SGIP1: variants seen among roughly 807,000 people sequenced by gnomAD.
SGIP1 encodes SH3-containing GRB2-like protein 3-interacting protein 1.
A neutral mutation model predicts 107.5 loss-of-function variants in SGIP1; 38 were observed. The ratio of observed to expected loss-of-function variants is 0.35; its 90% confidence interval spans 0.27 to 0.46. SGIP1 has a LOEUF of 0.46. Among genes scored for constraint, SGIP1 ranks in the 20% least tolerant of loss-of-function variants. SGIP1 has a pLI of 1.00. For missense variants in SGIP1, 929 were observed against 1,019.5 expected (o/e 0.91, Z 1.21); for synonymous variants, 365 against 366.1 (o/e 1.00, Z 0.03).
chr1:66,590,270 A>C (rs1231334973), intron 1 of SGIP1, among the ~76,000 whole-genome samples: 3 of 152,156 alleles, frequency 2.0e-5, no homozygotes, highest in Non-Finnish European at 4.4e-5. Flanking sequence ...GGAGATAAAA[A>C]CACATGTTAT....
At chr1:66,576,145 A>G (rs954663901) in intron 1 of SGIP1, among the ~76,000 whole-genome samples, 1 of 152,188 alleles carries the variant, frequency 6.6e-6, no homozygotes, top group African/African-American at 2.4e-5. Flanking sequence ...CTAAAGATAA[A>G]TATTGTTTTA....
intron 12 of SGIP1, among the ~76,000 whole-genome samples, chr1:66,673,934 G>A (rs999663428): frequency 2.6e-5 from 4 of 152,124 alleles, no homozygotes; most frequent in African/African-American, 4.8e-5. Context: ...TTGGGATGCT[G>A]AGATAGGATT....
At chr1:66,656,058 A>C (rs1267713833) in intron 7 of SGIP1, among the ~76,000 whole-genome samples, 2 of 152,050 alleles carry the variant, frequency 1.3e-5, no homozygotes, top group Non-Finnish European at 2.9e-5. Flanking sequence ...ATACTTTATA[A>C]TAGTTAAATT....
At chr1:66,726,944 C>G (rs938934445) in intron 19 of SGIP1, among the ~76,000 whole-genome samples, 4 of 152,084 alleles carry the variant, frequency 2.6e-5, no homozygotes, top group African/African-American at 4.8e-5. Context: ...GCACTCCAGT[C>G]TGGGTGACAG....
At chr1:66,620,409 G>C (rs992119746) in intron 1 of SGIP1, among the ~76,000 whole-genome samples, 26 of 152,098 alleles carry the variant, frequency 1.7e-4, no homozygotes, top group African/African-American at 6.3e-4. Context: ...CCCAAGACTG[G>C]GTAATTTATA....
At chr1:66,711,331 A>T (rs1302997969) in intron 18 of SGIP1, among the ~76,000 whole-genome samples, 1 of 152,160 alleles carries the variant, frequency 6.6e-6, no homozygotes, top group East Asian at 1.9e-4. Flanking sequence ...ATTATACAAC[A>T]TGATGAAGCT....
chr1:66,645,605 T>C (rs796736322), intron 7 of SGIP1, among the ~76,000 whole-genome samples: 7 of 152,274 alleles, frequency 4.6e-5, no homozygotes, highest in South Asian at 2.1e-4. Context: ...CTCCAGTTTG[T>C]TCCCTGTAAT....
chr1:66,749,589 T>A lies in SGIP1; in HGVS notation c.*6494T>A, dbSNP rs1002524310. Among the ~76,000 whole-genome samples the A allele has an allele frequency of 6.6e-6, 1 of 152,106 alleles. No homozygotes were observed. Among genetic ancestry groups the A allele is most frequent in the Non-Finnish European group, 1.5e-5 (1 of 67,934 alleles). ...AGAAAAGAATCAAACTGAATCACTT[T>A]ACATTTCTCTAAAGATAGTTCAGTT... On this transcript the variant is annotated 3_prime_UTR_variant, in exon 25 of 25. Transcript: ENST00000371037.
At position 66,630,844 on chromosome 1, in the gene SGIP1, A is replaced by AG. The variant is rs1491199355; in HGVS notation, c.75-2226_75-2225insG. The stretch of plus-strand genomic sequence containing the variant: ...GAAAGAAAGAAAGAAAGAAAGAAAG[A>AG]AAGAAAGAAAGAAAGAAAGAAAGAA... On this transcript the variant is annotated intron_variant, in intron 2 of 24. Coordinates refer to ENST00000371037, the MANE Select transcript of SGIP1 (RefSeq NM_032291.4). 9.8e-3 allele frequency among the ~76,000 whole-genome samples: 206 copies of AG among 21,096 alleles called. 20 individuals are homozygous for AG. The highest frequency in any genetic ancestry group is 0.067 in the East Asian group (16 of 238). The allele number at this position is 21,096 out of a possible 152,430, so 13.8% of individuals were successfully genotyped here. A position where few individuals can be genotyped will look rare whatever the true frequency, so the allele number is the denominator to read the frequency against.
intron 1 of SGIP1, among the ~76,000 whole-genome samples, chr1:66,599,573 G>A (rs1260863989): frequency 7.9e-5 from 12 of 152,172 alleles, no homozygotes; most frequent in Admixed American, 5.9e-4. Flanking sequence ...TCTCTTCTGA[G>A]TCTGAATGTA....
At chr1:66,539,962 A>G (rs2054521205) in intron 1 of SGIP1, among the ~76,000 whole-genome samples, 1 of 152,158 alleles carries the variant, frequency 6.6e-6, no homozygotes, top group African/African-American at 2.4e-5. Flanking sequence ...TACCATTTTC[A>G]TCTCTGTATC....
chr1:66,657,091 A>G (rs6681164), intron 7 of SGIP1, among the ~76,000 whole-genome samples: 39,914 of 151,958 alleles, frequency 0.26, 5,316 homozygotes, highest in Admixed American at 0.28. Flanking sequence ...TGGGAGGATC[A>G]CTTGAGCCCA....
intron 7 of SGIP1, chr1:66,660,162 A>AGGAGGGAAGGAAGGAAG (rs1491226881): frequency 1.1e-5 from 1 of 87,174 alleles, no homozygotes; most frequent in Non-Finnish European, 2.0e-5. Context: ...AAAGAAAGAA[A>AGGAGGGAAGGAAGGAAG]GAAAGAAAGA....
intron 1 of SGIP1, among the ~76,000 whole-genome samples, chr1:66,610,185 C>G (rs188314968): frequency 6.6e-6 from 1 of 152,192 alleles, no homozygotes; most frequent in African/African-American, 2.4e-5. Flanking sequence ...GAAGTAGATA[C>G]AAAAACCATA....
At chr1:66,667,252 T>C (rs2082778070) in intron 8 of SGIP1, among the ~76,000 whole-genome samples, 1 of 152,212 alleles carries the variant, frequency 6.6e-6, no homozygotes, top group African/African-American at 2.4e-5. Context: ...TTTTCTTGTA[T>C]GTTTCTGCCT....
At chr1:66,703,263 T>C (rs1443014879) in intron 18 of SGIP1, among the ~76,000 whole-genome samples, 1 of 152,140 alleles carries the variant, frequency 6.6e-6, no homozygotes, top group Non-Finnish European at 1.5e-5. Context: ...GCACTTCCTA[T>C]GCAAAGCATC....
At chr1:66,719,451 T>C (rs568880713) in intron 19 of SGIP1, 46 bp downstream of exon 19, 2 of 1,503,216 alleles carry the variant, frequency 1.3e-6, no homozygotes, top group South Asian at 2.3e-5. Context: ...TTCTGTCCTA[T>C]TGAGTGTGGA....
chr1:66,622,243 A>T (rs7536188), intron 1 of SGIP1, among the ~76,000 whole-genome samples: 55,336 of 151,982 alleles, frequency 0.36, 10,537 homozygotes, highest in African/African-American at 0.47. Flanking sequence ...AACCTAACTT[A>T]GGCAAACTCT....
intron 8 of SGIP1, among the ~76,000 whole-genome samples, chr1:66,665,372 T>C (rs2149771983): frequency 6.6e-6 from 1 of 152,356 alleles, no homozygotes; most frequent in Non-Finnish European, 1.5e-5. Context: ...AGTCTATCAT[T>C]GATGGACATT....
Sources: gnomAD v4.1 joint callset for allele counts (sites outside exome capture counted in the v4.1 genomes callset) on GRCh38, gnomAD v4.1.1 for gene constraint, MANE v1.5 for transcripts, NCBI Gene and HGNC (gene_info 2026-07-23, HGNC 2026-07-21) for gene names.